PPP2CB: variants seen among roughly 807,000 people sequenced by gnomAD.
The protein encoded by PPP2CB is serine/threonine-protein phosphatase 2A catalytic subunit beta isoform.
PPP2CB carries 18 observed loss-of-function variants against 39.1 expected under a neutral mutation model. That is an observed-to-expected ratio of 0.46 (90% CI 0.32 to 0.68). The LOEUF (loss-of-function observed/expected upper bound fraction) is 0.68, where lower values mean the gene tolerates loss of function less well. Ranked by LOEUF, PPP2CB falls within the 30% of genes least tolerant of loss-of-function variation. The pLI, the probability that PPP2CB is intolerant of heterozygous loss-of-function variation, is 0.04. For missense variants in PPP2CB, 226 were observed against 396.9 expected (o/e 0.57, Z 3.66); for synonymous variants, 129 against 133.8 (o/e 0.96, Z 0.25).
chr8:30,798,429 C>T (rs1586124564), intron 2 of PPP2CB, among the ~76,000 whole-genome samples: 1 of 152,110 alleles, frequency 6.6e-6, no homozygotes. Flanking sequence ...ATGTGTCTAA[C>T]GTAAGTTTGG....
chr8:30,790,986 G>A, intron 6 of PPP2CB: 1 of 440,706 alleles, frequency 2.3e-6, no homozygotes, highest in Non-Finnish European at 4.0e-6. Context: ...TGAATTAACT[G>A]TTTCTCCACC....
At chr8:30,793,693 G>A (rs1477130935) in intron 5 of PPP2CB, 6 of 432,088 alleles carry the variant, frequency 1.4e-5, no homozygotes, top group Non-Finnish European at 2.5e-5. Context: ...GGGAATTATG[G>A]GGTACTATTT....
chr8:30,787,224 G>C (rs556386743), intron 6 of PPP2CB, among the ~76,000 whole-genome samples: 7 of 152,290 alleles, frequency 4.6e-5, no homozygotes, highest in African/African-American at 1.7e-4. Flanking sequence ...AACAAATGCT[G>C]GTCTGTTTTT....
chr8:30,794,121 C>T (rs1480101280), intron 4 of PPP2CB, 43 bp from the exon 5 acceptor site: 2 of 1,603,468 alleles, frequency 1.2e-6, no homozygotes, highest in Admixed American at 1.7e-5. Context: ...TATTATCAGT[C>T]ATACTTTATC....
intron 6 of PPP2CB, among the ~76,000 whole-genome samples, chr8:30,790,005 C>T (rs1806405396): frequency 1.3e-5 from 2 of 152,146 alleles, no homozygotes; most frequent in Admixed American, 1.3e-4. Context: ...CAGCATTCTC[C>T]CCTGTGTGTG....
At chr8:30,805,646 T>G (rs978680886) in intron 1 of PPP2CB, among the ~76,000 whole-genome samples, 2 of 152,138 alleles carry the variant, frequency 1.3e-5, no homozygotes, top group African/African-American at 4.8e-5. Context: ...AATCCAACTA[T>G]GCTAAAAAGT....
intron 1 of PPP2CB, among the ~76,000 whole-genome samples, chr8:30,811,105 G>A (rs1366262049): frequency 6.6e-6 from 1 of 152,126 alleles, no homozygotes; most frequent in Admixed American, 6.6e-5. Context: ...CTTCAAAGAT[G>A]GAGAGATCGA....
intron 1 of PPP2CB, among the ~76,000 whole-genome samples, chr8:30,809,670 G>T (rs1025639273): frequency 6.6e-6 from 1 of 152,200 alleles, no homozygotes; most frequent in Non-Finnish European, 1.5e-5. Flanking sequence ...GCTAGGAGTG[G>T]TGGCTCACTC....
intron 6 of PPP2CB, chr8:30,790,944 G>C (rs987397227): frequency 6.1e-6 from 2 of 329,462 alleles, no homozygotes; most frequent in Non-Finnish European, 1.1e-5. Flanking sequence ...CACAGACTAC[G>C]GCTATTATTA....
chr8:30,791,460 A>G, intron 5 of PPP2CB, 145 bp from the exon 6 acceptor site: 1 of 625,730 alleles, frequency 1.6e-6, no homozygotes. Flanking sequence ...CTCCATCTTT[A>G]ATAGTTTGTG....
Position 30,794,086 on chromosome 8 carries a change from A to C in PPP2CB, c.577-8T>G. On this transcript the variant is annotated splice_region_variant and splice_polypyrimidine_tract_variant and intron_variant, in intron 4 of 6. Transcript: ENST00000221138. Reference sequence around the variant, plus strand: ...CAGATCACACATTGGGCCCTGGCCAAGAAAAATAAGTACATGTTACAAATT... The same window carrying C: ...CAGATCACACATTGGGCCCTGGCCACGAAAAATAAGTACATGTTACAAATT... The C allele has an allele frequency of 6.2e-6, 10 of 1,603,414 alleles. No individual in the cohort carries two copies. Among genetic ancestry groups the C allele is most frequent in the Non-Finnish European group, 8.5e-6 (10 of 1,174,330 alleles).
intron 1 of PPP2CB, among the ~76,000 whole-genome samples, chr8:30,811,707 G>A (rs1047587468): frequency 6.6e-5 from 10 of 150,914 alleles, no homozygotes; most frequent in African/African-American, 2.4e-4. Context: ...TCACTATGTT[G>A]CCCAGGCTGG....
Position 30,812,608 on chromosome 8 carries a change from G to A in PPP2CB, c.-187C>T, listed in dbSNP as rs1220699876. 3 of 346,908 alleles carry A rather than the reference G, an allele frequency of 8.6e-6. No individual in the cohort carries two copies. The highest frequency in any genetic ancestry group is 5.2e-5 in the East Asian group (1 of 19,124). The allele number at this position is 346,908 out of a possible 1,614,324, so 21.5% of individuals were successfully genotyped here. On this transcript the variant is annotated 5_prime_UTR_variant, in exon 1 of 7. Transcript: ENST00000221138. ...CCCCGCGCCCCGCCCAAGCCCAGCA[G>A]GCGGCTCCGAGCGCGCAGCCTGGAG...
intron 1 of PPP2CB, 75 bp downstream of exon 1, chr8:30,812,245 G>C: frequency 8.7e-7 from 1 of 1,150,248 alleles, no homozygotes; most frequent in Non-Finnish European, 1.1e-6. Flanking sequence ...AGGGGCGGAC[G>C]GGACCGGGGC....
intron 3 of PPP2CB, among the ~76,000 whole-genome samples, chr8:30,794,887 TACATAATCAAGTCATTTGC>T (rs1343463506): frequency 6.6e-6 from 1 of 152,256 alleles, no homozygotes; most frequent in Non-Finnish European, 1.5e-5. Flanking sequence ...ATTTTCTAAG[TACATAATCAAGTCATTTGC>T]AAAACTATTT....
chr8:30,803,630 T>A (rs1414406562), intron 1 of PPP2CB, among the ~76,000 whole-genome samples: 1 of 152,094 alleles, frequency 6.6e-6, no homozygotes, highest in East Asian at 1.9e-4. Context: ...ATTTCCTATT[T>A]CTTTCCCAAG....
At chr8:30,796,645 T>C (rs1326762873) in intron 3 of PPP2CB, among the ~76,000 whole-genome samples, 1 of 152,180 alleles carries the variant, frequency 6.6e-6, no homozygotes, top group Non-Finnish European at 1.5e-5. Context: ...CACCTTGGCC[T>C]CCTAAAGTGC....
At chr8:30,789,344 TA>T (rs1423965440) in intron 6 of PPP2CB, among the ~76,000 whole-genome samples, 1 of 152,228 alleles carries the variant, frequency 6.6e-6, no homozygotes, top group African/African-American at 2.4e-5. Context: ...TTACTTCTTT[TA>T]ATCTTTCACA....
At chr8:30,807,587 C>T (rs1331121307) in intron 1 of PPP2CB, among the ~76,000 whole-genome samples, 1 of 152,202 alleles carries the variant, frequency 6.6e-6, no homozygotes, top group African/African-American at 2.4e-5. Context: ...TGCCAGCACA[C>T]ACATTGGCTG....
Sources: gnomAD v4.1 joint callset for allele counts (sites outside exome capture counted in the v4.1 genomes callset) on GRCh38, gnomAD v4.1.1 for gene constraint, MANE v1.5 for transcripts, NCBI Gene and HGNC (gene_info 2026-07-23, HGNC 2026-07-21) for gene names.